The following PNN variants were observed in gnomAD, a reference collection of about 807,000 sequenced individuals.
The protein encoded by PNN is pinin, desmosome associated protein.
A neutral mutation model predicts 76.6 loss-of-function variants in PNN; 38 were observed. That is an observed-to-expected ratio of 0.50 (90% CI 0.38 to 0.65). The LOEUF (loss-of-function observed/expected upper bound fraction) is 0.65, where lower values mean the gene tolerates loss of function less well. Ranked by LOEUF, PNN falls within the 30% of genes least tolerant of loss-of-function variation. PNN has a pLI of 0.00. For synonymous variants in PNN, 366 were observed against 283.7 expected, an observed-to-expected ratio of 1.29 and a Z score of -2.91; for missense variants, 873 against 874.1, an observed-to-expected ratio of 1.00 and a Z score of 0.02.
Position 39,177,450 on chromosome 14 carries a change from A to G in PNN, c.293A>G (p.Gln98Arg). 6.2e-7 allele frequency: 1 copy of G among 1,614,030 alleles called. No homozygotes were observed. Among genetic ancestry groups the G allele is most frequent in the Non-Finnish European group, 8.5e-7 (1 of 1,179,898 alleles). Residue 98 changes from glutamine to arginine, a missense_variant, in exon 4 of 9, where the codon CAG becomes CGG. By Grantham distance (43) the Gln-to-Arg change is conservative. This residue lies in a region of PNN where 156 missense variants were observed against 161.7 expected (regional missense o/e 0.96). Coordinates refer to ENST00000216832, the MANE Select transcript of PNN (RefSeq NM_002687.4). Reference protein sequence around the residue: ...GERRTRRESRQESDPEDDDVK... With the variant: ...GERRTRRESRRESDPEDDDVK... ...CGTCGGACCAGAAGAGAATCACGCC[A>G]GGAAAGCGACCCGGAGGATGATGAT... is the stretch of plus-strand genomic sequence containing the variant.
Position 39,176,076 on chromosome 14 carries a change from A to C in PNN, c.114-2A>C. On this transcript the variant is annotated splice_acceptor_variant, in intron 1 of 8. Coordinates refer to ENST00000216832, the MANE Select transcript of PNN (RefSeq NM_002687.4). LOFTEE classifies it high-confidence loss of function. Reference sequence around the variant, plus strand: ...TTGCACTGATTTGTAAATCTTTTACAGGCCCATCCAAGCCAGATTGCTGGC... The same window carrying C: ...TTGCACTGATTTGTAAATCTTTTACCGGCCCATCCAAGCCAGATTGCTGGC... 6.3e-7 allele frequency: 1 copy of C among 1,583,256 alleles called. No individual in the cohort carries two copies. The highest frequency in any genetic ancestry group is 8.7e-7 in the Non-Finnish European group (1 of 1,152,128).
Position 39,176,609 on chromosome 14 carries a change from A to G in PNN, c.254+14A>G. On this transcript the variant is annotated intron_variant, in intron 3 of 8. Transcript: ENST00000216832. ...GGCAGTCAGTAGGTAGGTTTAAAAAAAGATTCCTGAAGGCTTCTTTAGTTT... is the reference window on the plus strand; with the variant it reads ...GGCAGTCAGTAGGTAGGTTTAAAAAGAGATTCCTGAAGGCTTCTTTAGTTT... The G allele has an allele frequency of 6.7e-7, 1 of 1,490,364 alleles. No individual in the cohort carries two copies. Among genetic ancestry groups the G allele is most frequent in the Non-Finnish European group, 9.3e-7 (1 of 1,080,000 alleles). 92.3% of individuals were successfully genotyped at this position (1,490,364 alleles called of 1,614,324 possible).
intron 6 of PNN, among the ~76,000 whole-genome samples, chr14:39,178,685 T>TGA (rs993956038): frequency 7.1e-6 from 1 of 141,356 alleles, no homozygotes; most frequent in African/African-American, 2.7e-5. Flanking sequence ...ATGACAGGTG[T>TGA]GAGCCACTGT....
Position 39,176,653 on chromosome 14 carries a change from A to G in PNN, c.254+58A>G, listed in dbSNP as rs2053227687. 4 of 986,888 alleles carry G rather than the reference A, an allele frequency of 4.1e-6. 1 individual carries two copies. The highest frequency in any genetic ancestry group is 2.9e-5 in the South Asian group (2 of 69,436). The allele number at this position is 986,888 out of a possible 1,614,324, so 61.1% of individuals were successfully genotyped here. ...TTAGTTTCTGAGGTACCACACAAATATAAATGTTTATTAACAATAATTCTG... is the reference window on the plus strand; with the variant it reads ...TTAGTTTCTGAGGTACCACACAAATGTAAATGTTTATTAACAATAATTCTG... On this transcript the variant is annotated intron_variant, in intron 3 of 8. Coordinates refer to ENST00000216832, the MANE Select transcript of PNN (RefSeq NM_002687.4).
intron 1 of PNN, 145 bp from the exon 2 acceptor site, chr14:39,175,933 T>G: frequency 1.6e-6 from 1 of 612,752 alleles, no homozygotes; most frequent in East Asian, 2.9e-5. Flanking sequence ...CTTCCTGTCC[T>G]GTTTCAGACA....
chr14:39,181,613 G>A lies in PNN; in HGVS notation c.1904G>A (p.Ser635Asn), dbSNP rs756881210. 6.2e-6 allele frequency: 10 copies of A among 1,614,022 alleles called. No homozygotes were observed. Among genetic ancestry groups the A allele is most frequent in the Non-Finnish European group, 8.5e-6 (10 of 1,180,030 alleles). ...AGTAGTAGTGAGAGTAGAAGTCGGA[G>A]TAGGGGCCGGGGACATAATAGAGAT... ...TSSSSESRSR[S>N]RGRGHNRDRK... The change falls in exon 9 of 9, where the codon AGT (serine) becomes AAT (asparagine). Residue 635 changes from serine (S) to asparagine (N), a missense_variant. Physicochemically the swap from Ser to Asn is conservative, Grantham distance 46. Transcript: ENST00000216832.
chr14:39,180,760 A>G lies in PNN; in HGVS notation c.1051A>G (p.Lys351Glu). ...AGCGATTGTTCATAGTGATGCAGAG[A>G]AAGAACAGGAGGAGGAAGAACAAAA... ...EIAIVHSDAE[K>E]EQEEEEQKQE... Residue 351 changes from lysine (K) to glutamate (E), a missense_variant, in exon 9 of 9, where the codon AAA (lysine) becomes GAA (glutamate). Lys to Glu is a moderately conservative substitution (Grantham distance 56, BLOSUM62 1). This residue lies in a region of PNN where 712 missense variants were observed against 693.1 expected (regional missense o/e 1.03). Transcript: ENST00000216832. 6.2e-7 allele frequency: 1 copy of G among 1,602,340 alleles called. No homozygotes were observed.
Position 39,180,507 on chromosome 14 carries a change from A to G in PNN, c.798A>G (p.Leu266=), listed in dbSNP as rs759625216. The G allele has an allele frequency of 6.4e-7, 1 of 1,560,098 alleles. No individual in the cohort carries two copies. ...IEESQRKMNA[L]FEGRRIEFAE... ...ATGTAAATTTTTATTCTTTAGCTTTATTTGAAGGTAGACGCATCGAATTTG... is the reference window on the plus strand; with the variant it reads ...ATGTAAATTTTTATTCTTTAGCTTTGTTTGAAGGTAGACGCATCGAATTTG... Residue 266 remains leucine (L), a synonymous_variant, in exon 9 of 9, where the codon TTA becomes TTG. Coordinates refer to ENST00000216832, the MANE Select transcript of PNN (RefSeq NM_002687.4).
Position 39,180,711 on chromosome 14 carries a change from AGGAGAG to A in PNN, c.1004_1009del (p.Gly335_Glu336del), listed in dbSNP as rs1164875568. 1.2e-5 allele frequency: 20 copies of A among 1,600,456 alleles called. No homozygotes were observed. The highest frequency in any genetic ancestry group is 1.6e-5 in the Non-Finnish European group (19 of 1,172,212). ...ACAATGATGTAGAAATAGAGGAAGCAGGAGAGGAAGAGGAAAAGGAAATAGCGATTG... is the reference window on the plus strand; with the variant it reads ...ACAATGATGTAGAAATAGAGGAAGCAGAAGAGGAAAAGGAAATAGCGATTG... On this transcript the variant is annotated inframe_deletion, in exon 9 of 9. Coordinates refer to ENST00000216832, the MANE Select transcript of PNN (RefSeq NM_002687.4).
rs375655133 is a variant in PNN at position 39,177,681 on chromosome 14, A to G, written c.416A>G (p.Lys139Arg). The change falls in exon 5 of 9, where the codon AAG becomes AGG. Residue 139 changes from lysine (K) to arginine (R), a missense_variant. Lys to Arg is a conservative substitution (Grantham distance 26, BLOSUM62 2). Around this residue, in one of 3 missense-constraint regions of PNN, gnomAD observed 712 missense variants for 693.1 expected, o/e 1.03. Coordinates refer to ENST00000216832, the MANE Select transcript of PNN (RefSeq NM_002687.4). ...GATCAAAATATGGATGAAAAGGGAA[A>G]GCAAAGGTATTTCCCTGGGGGAAAA... ...IQDQNMDEKG[K>R]QRNRRIFGLL... 4.3e-6 allele frequency: 7 copies of G among 1,609,608 alleles called. No individual in the cohort carries two copies. Among genetic ancestry groups the G allele is most frequent in the Non-Finnish European group, 6.0e-6 (7 of 1,175,968 alleles).
In PNN at chr14:39,177,319, G is replaced by T; in HGVS notation, c.255-93G>T. On this transcript the variant is annotated intron_variant, in intron 3 of 8. Coordinates refer to ENST00000216832, the MANE Select transcript of PNN (RefSeq NM_002687.4). ...GAGGATCACTTGAGCCTGGGAGGTCGAGGCTGCAGTGAACCGTGGTGGCAC... is the reference window on the plus strand; with the variant it reads ...GAGGATCACTTGAGCCTGGGAGGTCTAGGCTGCAGTGAACCGTGGTGGCAC... 1.1e-5 allele frequency: 11 copies of T among 967,352 alleles called. No homozygotes were observed. The South Asian group carries it at 1.6e-4, about 14-fold the overall frequency. The allele number at this position is 967,352 out of a possible 1,614,324, so 59.9% of individuals were successfully genotyped here. A position where few individuals can be genotyped will look rare whatever the true frequency, so the allele number is the denominator to read the frequency against.
At chr14:39,180,481 CA>C (rs1566558842) in intron 8 of PNN, 21 bp from the exon 9 acceptor site, 1 of 1,516,980 alleles carries the variant, frequency 6.6e-7, no homozygotes, top group South Asian at 1.3e-5. Context: ...AAATTTTACA[CA>C]TGTAAATTTT....
In PNN at chr14:39,181,568, A is replaced by G; in HGVS notation, c.1859A>G (p.Asp620Gly). Reference sequence around the variant, plus strand: ...AGTACAAGTGGCAGCAGCAGCAGAGATAGTAGCAGTAGCACTAGTAGTAGT... The same window carrying G: ...AGTACAAGTGGCAGCAGCAGCAGAGGTAGTAGCAGTAGCACTAGTAGTAGT... ...SSSTSGSSSR[D>G]SSSSTSSSSE... Residue 620 changes from aspartate (D) to glycine (G), a missense_variant, in exon 9 of 9, where the codon GAT (aspartate) becomes GGT (glycine). This residue lies in a region of PNN where 712 missense variants were observed against 693.1 expected (regional missense o/e 1.03). Coordinates refer to ENST00000216832, the MANE Select transcript of PNN (RefSeq NM_002687.4). 1.2e-6 allele frequency: 2 copies of G among 1,612,846 alleles called. No homozygotes were observed. Among genetic ancestry groups the G allele is most frequent in the Non-Finnish European group, 8.5e-7 (1 of 1,179,288 alleles).
At position 39,177,396 on chromosome 14, in the gene PNN, A is replaced by G; in HGVS notation, c.255-16A>G. On this transcript the variant is annotated splice_polypyrimidine_tract_variant and intron_variant, in intron 3 of 8. Coordinates refer to ENST00000216832, the MANE Select transcript of PNN (RefSeq NM_002687.4). ...GTGAAACCCTGTCTCAAAAAAATTA[A>G]TATTTTCTATGACAGGCTGGGCGGG... is the stretch of plus-strand genomic sequence containing the variant. The G allele has an allele frequency of 6.2e-7, 1 of 1,611,218 alleles. No homozygotes were observed. The highest frequency in any genetic ancestry group is 8.5e-7 in the Non-Finnish European group (1 of 1,178,070).
chr14:39,181,113 C>A lies in PNN; in HGVS notation c.1404C>A (p.Pro468=). ...SEEKEEKESE[P]QPEPVAQPQP... ...AAAAAGAAGAAAAAGAATCTGAGCC[C>A]CAACCTGAGCCTGTGGCTCAACCTC... The change falls in exon 9 of 9, where the codon CCC becomes CCA. Residue 468 remains proline (P), a synonymous_variant. Transcript: ENST00000216832. 1 of 1,612,938 alleles carries A rather than the reference C, an allele frequency of 6.2e-7. No individual in the cohort carries two copies. The highest frequency in any genetic ancestry group is 1.7e-5 in the Admixed American group (1 of 59,978).
Position 39,181,717 on chromosome 14 carries a change from G to A in PNN, c.2008G>A (p.Gly670Ser). The stretch of plus-strand genomic sequence containing the variant: ...AAGAAGTCACAAATCTTCAAAAGGT[G>A]GTAGTAGTAGAGATACAAAAGGATC... ...LERSHKSSKG[G>S]SSRDTKGSKD... The change falls in exon 9 of 9, where the codon GGT becomes AGT. Residue 670 changes from glycine to serine, a missense_variant. This residue lies in a region of PNN where 712 missense variants were observed against 693.1 expected (regional missense o/e 1.03). Coordinates refer to ENST00000216832, the MANE Select transcript of PNN (RefSeq NM_002687.4). The A allele has an allele frequency of 6.2e-7, 1 of 1,614,102 alleles. No homozygotes were observed. The highest frequency in any genetic ancestry group is 1.1e-5 in the South Asian group (1 of 91,080).
At chr14:39,178,494 G>C (rs924904064) in intron 6 of PNN, among the ~76,000 whole-genome samples, 5 of 151,982 alleles carry the variant, frequency 3.3e-5, no homozygotes, top group Admixed American at 3.3e-4. Context: ...TCACACTATT[G>C]TACCCCAGCC....
chr14:39,177,599 T>C lies in PNN; in HGVS notation c.334T>C (p.Leu112=). The change falls in exon 5 of 9, where the codon TTG becomes CTG. Residue 112 remains leucine (L), a synonymous_variant. Transcript: ENST00000216832. ...PEDDDVKKPA[L]QSSVVATSKE... is the part of the protein sequence containing the mutation. The stretch of plus-strand genomic sequence containing the variant: ...AGATTTTCTTTTTCTGCAGCCAGCA[T>C]TGCAGTCTTCAGTTGTAGCTACCTC... 6.2e-7 allele frequency: 1 copy of C among 1,613,508 alleles called. No homozygotes were observed. The highest frequency in any genetic ancestry group is 8.5e-7 in the Non-Finnish European group (1 of 1,179,376).
chr14:39,175,499 C>T, intron 1 of PNN, 107 bp downstream of exon 1: 2 of 723,432 alleles, frequency 2.8e-6, no homozygotes, highest in Admixed American at 4.8e-5. Flanking sequence ...ACTGGAACCT[C>T]GAGGCCTGTT....
Sources: allele counts gnomAD v4.1 joint callset (sites outside exome capture counted in the v4.1 genomes callset), GRCh38; gene constraint gnomAD v4.1.1; regional missense constraint gnomAD v4.1.1; transcripts MANE v1.5; gene names NCBI Gene and HGNC (gene_info 2026-07-23, HGNC 2026-07-21).